The following LYG2 variants were observed in gnomAD, a reference collection of about 807,000 sequenced individuals.
LYG2 encodes the protein lysozyme g-like protein 2.
LYG2 carries 25 observed loss-of-function variants against 22.4 expected under a neutral mutation model. That is an observed-to-expected ratio of 1.12 (90% CI 0.81 to 1.56). The LOEUF (loss-of-function observed/expected upper bound fraction) is 1.56. Ranked by LOEUF, LYG2 falls within the 40% of genes most tolerant of loss-of-function variation. The pLI, the probability that LYG2 is intolerant of heterozygous loss-of-function variation, is 0.00. For synonymous variants in LYG2, 88 were observed against 97.0 expected (o/e 0.91, Z 0.55); for missense variants, 266 against 269.5 (o/e 0.99, Z 0.09).
Position 99,254,288 on chromosome 2 carries a change from G to T in LYG2, c.-25-3C>A. ...CGGGGAATCTTATCTTCCAGGACCTGCTCTGATTTGAAATAGAAACTGGTT... is the reference window on the plus strand; with the variant it reads ...CGGGGAATCTTATCTTCCAGGACCTTCTCTGATTTGAAATAGAAACTGGTT... On this transcript the variant is annotated splice_polypyrimidine_tract_variant and splice_region_variant and intron_variant, in intron 2 of 6. Coordinates refer to ENST00000333017, the MANE Select transcript of LYG2 (RefSeq NM_175735.4). 1.2e-6 allele frequency: 2 copies of T among 1,608,324 alleles called. No individual in the cohort carries two copies. The highest frequency in any genetic ancestry group is 2.2e-5 in the South Asian group (2 of 90,084).
intron 3 of LYG2, among the ~76,000 whole-genome samples, chr2:99,247,936 CT>C (rs1298991905): frequency 6.6e-6 from 1 of 152,174 alleles, no homozygotes; most frequent in African/African-American, 2.4e-5. Flanking sequence ...TGAACAGACA[CT>C]TCTCAAAAGA....
At chr2:99,251,205 T>C (rs2105274194) in intron 3 of LYG2, among the ~76,000 whole-genome samples, 1 of 152,086 alleles carries the variant, frequency 6.6e-6, no homozygotes, top group Middle Eastern at 3.4e-3. Flanking sequence ...AATTTTAAAA[T>C]TAAATCAAAT....
chr2:99,248,780 C>CA (rs958552920), intron 3 of LYG2, among the ~76,000 whole-genome samples: 15 of 149,608 alleles, frequency 1.0e-4, no homozygotes, highest in African/African-American at 2.0e-4. Flanking sequence ...AAATAAAATT[C>CA]AAAAAAAACC....
At chr2:99,252,679 G>C (rs563823158) in intron 3 of LYG2, among the ~76,000 whole-genome samples, 39 of 152,270 alleles carry the variant, frequency 2.6e-4, no homozygotes, top group Non-Finnish European at 4.4e-4. Flanking sequence ...TTCACTGGGA[G>C]GCAGTCTTTG....
At chr2:99,258,365 G>T (rs1199440236), upstream of LYG2, among the ~76,000 whole-genome samples, 1 of 152,220 alleles carries the variant, frequency 6.6e-6, no homozygotes, top group Non-Finnish European at 1.5e-5. Context: ...TGATGGGTTT[G>T]CACTCAAGTC....
chr2:99,257,200 A>G (rs562942803), upstream of LYG2, among the ~76,000 whole-genome samples: 3 of 152,328 alleles, frequency 2.0e-5, no homozygotes, highest in East Asian at 1.9e-4. Context: ...CTATCTGTCA[A>G]ATGTTTGTAG....
rs76876099 is a variant in LYG2 at position 99,249,918 on chromosome 2, C to T, written c.44-3098G>A. ...TGCAGCCCATCCTCTACTTAGTAGA[C>T]GGAGTGGCCCTGTGGGAATATGCAT... On this transcript the variant is annotated intron_variant, in intron 3 of 6. Coordinates refer to ENST00000333017, the MANE Select transcript of LYG2 (RefSeq NM_175735.4). Among the ~76,000 whole-genome samples the T allele has an allele frequency of 6.1e-4, 93 of 152,218 alleles. 1 individual carries two copies. Among genetic ancestry groups the T allele is most frequent in the African/African-American group, 1.8e-3 (73 of 41,532 alleles).
intron 6 of LYG2, 164 bp downstream of exon 6, chr2:99,243,835 A>T (rs543568536): frequency 2.7e-6 from 2 of 733,092 alleles, no homozygotes; most frequent in African/African-American, 3.6e-5. Context: ...AGGACCTCTC[A>T]AAGTAACTCA....
At chr2:99,244,320 T>C (rs1023372357) in intron 5 of LYG2, among the ~76,000 whole-genome samples, 183 bp from the exon 6 acceptor site, 7 of 152,084 alleles carry the variant, frequency 4.6e-5, no homozygotes, top group Admixed American at 2.0e-4. Context: ...TTGGGAGAAA[T>C]GGACATGGTA....
upstream of LYG2, among the ~76,000 whole-genome samples, chr2:99,256,867 T>G (rs1053527454): frequency 6.6e-6 from 1 of 152,182 alleles, no homozygotes; most frequent in Non-Finnish European, 1.5e-5. Context: ...CCAACATTAG[T>G]CAGGTTCCTA....
At chr2:99,259,307 G>C (rs1167001308), upstream of LYG2, among the ~76,000 whole-genome samples, 3 of 151,918 alleles carry the variant, frequency 2.0e-5, no homozygotes, top group Admixed American at 6.6e-5. Context: ...AATTTTTACA[G>C]TGCTTTATTC....
intron 5 of LYG2, 96 bp from the exon 6 acceptor site, chr2:99,244,233 C>T: frequency 1.6e-6 from 2 of 1,245,170 alleles, no homozygotes; most frequent in South Asian, 1.5e-5. Flanking sequence ...GTCATAGATA[C>T]CGGCCTTTAT....
chr2:99,242,854 A>G (rs75042409), intron 6 of LYG2, among the ~76,000 whole-genome samples: 1,644 of 152,316 alleles, frequency 0.011, 9 homozygotes, highest in Middle Eastern at 0.024. Context: ...CATTCAGGAA[A>G]TGTTTTCAAG....
chr2:99,246,930 A>G, intron 3 of LYG2, 110 bp from the exon 4 acceptor site: 1 of 990,508 alleles, frequency 1.0e-6, no homozygotes, highest in Non-Finnish European at 1.5e-6. Context: ...GAACTCCCCA[A>G]CTCTCTTGTT....
chr2:99,242,436 T>A lies in LYG2; in HGVS notation c.567A>T (p.Pro189=), dbSNP rs757114661. The A allele has an allele frequency of 3.1e-6, 5 of 1,613,462 alleles. 1 individual carries two copies. In the South Asian group the frequency reaches 4.4e-5, roughly 14 times the overall value. Residue 189 remains proline, a synonymous_variant, in exon 7 of 7, where the codon CCA becomes CCT. Coordinates refer to ENST00000333017, the MANE Select transcript of LYG2 (RefSeq NM_175735.4). The part of the protein sequence containing the change: ...FKSGIEAIAT[P]SDIDNDFVND... ...TGACGAAGTCATTGTCTATGTCCGA[T>A]GGGGTGGCAATCGCTTCAATTCCTG...
chr2:99,250,399 G>GAGTC (rs1356117123), intron 3 of LYG2, among the ~76,000 whole-genome samples: 2 of 126,518 alleles, frequency 1.6e-5, no homozygotes, highest in South Asian at 4.8e-4. Flanking sequence ...TTTTGAGACA[G>GAGTC]AGTCTTGCTC....
In LYG2 at chr2:99,246,764, G is replaced by A. The variant is rs138652579; in HGVS notation, c.100C>T (p.Arg34Cys). 4.9e-5 allele frequency: 79 copies of A among 1,614,124 alleles called. No homozygotes were observed. In the African/African-American group the frequency reaches 6.9e-4, roughly 14 times the overall value. The change falls in exon 4 of 7, where the codon CGC becomes TGC. Residue 34 changes from arginine (R) to cysteine (C), a missense_variant. Arg to Cys is a radical substitution (Grantham distance 180, BLOSUM62 -3). Coordinates refer to ENST00000333017, the MANE Select transcript of LYG2 (RefSeq NM_175735.4). The part of the protein sequence containing the change: ...SHSMKPHLHP[R>C]LYHGCYGDIM... ...TCCCCATAGCAGCCGTGGTACAGGC[G>A]TGGATGTAGGTGAGGCTTCATTGAG...
chr2:99,244,981 G>A (rs1209611409), intron 5 of LYG2, among the ~76,000 whole-genome samples: 8 of 151,840 alleles, frequency 5.3e-5, no homozygotes, highest in South Asian at 4.2e-4. Flanking sequence ...GCATGGTGGC[G>A]TGTGCCTGTA....
chr2:99,248,128 TTGG>T (rs1479804545), intron 3 of LYG2, among the ~76,000 whole-genome samples: 1 of 151,846 alleles, frequency 6.6e-6, no homozygotes, highest in Non-Finnish European at 1.5e-5. Context: ...TTTTACACTG[TTGG>T]TGGGACTGTA....
Sources: gnomAD v4.1 joint callset for allele counts (sites outside exome capture counted in the v4.1 genomes callset) on GRCh38, gnomAD v4.1.1 for gene constraint, MANE v1.5 for transcripts, NCBI Gene and HGNC (gene_info 2026-07-23, HGNC 2026-07-21) for gene names.